Variants in GREM2 observed in about 807,000 individuals in gnomAD.
GREM2 encodes gremlin-2.
In GREM2, 11 loss-of-function variants were observed where a neutral mutation model predicts 14.2. The ratio of observed to expected loss-of-function variants is 0.78; its 90% confidence interval spans 0.49 to 1.28. GREM2 has a LOEUF of 1.28. Among genes scored for constraint, GREM2 ranks in the 50% most tolerant of loss-of-function variants. The probability of loss-of-function intolerance (pLI) is 0.00; values close to 1 mark genes in which losing one functional copy is unlikely to be tolerated. For synonymous variants in GREM2, 98 were observed against 97.6 expected (o/e 1.00, Z -0.02); for missense variants, 210 against 218.5 (o/e 0.96, Z 0.24).
intron 1 of GREM2, among the ~76,000 whole-genome samples, chr1:240,586,050 T>A (rs1558173409): frequency 6.6e-6 from 1 of 150,926 alleles, no homozygotes; most frequent in African/African-American, 2.4e-5. Context: ...AAGACAAAAC[T>A]CACACACAGA....
intron 1 of GREM2, among the ~76,000 whole-genome samples, chr1:240,539,411 T>G (rs1678541105): frequency 6.6e-6 from 1 of 152,152 alleles, no homozygotes; most frequent in Non-Finnish European, 1.5e-5. Flanking sequence ...GTGTACCTAC[T>G]ACTTTGAGAT....
At chr1:240,591,071 T>G (rs143273333) in intron 1 of GREM2, among the ~76,000 whole-genome samples, 1 of 152,178 alleles carries the variant, frequency 6.6e-6, no homozygotes, top group Admixed American at 6.5e-5. Flanking sequence ...TGAGCCACCA[T>G]GCCCAGCCAG....
At chr1:240,572,499 C>T (rs901804242) in intron 1 of GREM2, among the ~76,000 whole-genome samples, 9 of 152,294 alleles carry the variant, frequency 5.9e-5, no homozygotes, top group East Asian at 5.8e-4. Flanking sequence ...GAAGTCTTCC[C>T]CATCTGCTGA....
Position 240,540,264 on chromosome 1 carries a change from A to C in GREM2, c.-1-46788T>G, listed in dbSNP as rs1398273973. On this transcript the variant is annotated intron_variant, in intron 1 of 1. Coordinates refer to ENST00000318160, the MANE Select transcript of GREM2 (RefSeq NM_022469.4). This position sits in a 1 kb window ranked among gnomAD's most constrained non-coding sequence, Gnocchi z 4.2. ...CAGCACATTTGCTAGCTTTCTACTA[A>C]TTGCCCTAATTTTCTTTGTCTAGAC... Among the ~76,000 whole-genome samples, 1 of 152,128 alleles carries C rather than the reference A, an allele frequency of 6.6e-6. No individual in the cohort carries two copies.
At chr1:240,528,734 C>A (rs1341303422) in intron 1 of GREM2, among the ~76,000 whole-genome samples, 1 of 152,162 alleles carries the variant, frequency 6.6e-6, no homozygotes, top group African/African-American at 2.4e-5. Flanking sequence ...CAGTTGCAGC[C>A]GTACCAAGGC....
Position 240,489,805 on chromosome 1 carries a change from C to T in GREM2, c.*3164G>A, listed in dbSNP as rs1347477741. On this transcript the variant is annotated 3_prime_UTR_variant, in exon 2 of 2. Transcript: ENST00000318160. The stretch of plus-strand genomic sequence containing the variant: ...AAAGTCATTTTCATTGACTTTATAA[C>T]TTAAAAATCATCTGGCCAATTTCAA... The T allele has an allele frequency of 6.6e-6, 1 of 152,146 alleles. No individual in the cohort carries two copies. The highest frequency in any genetic ancestry group is 1.5e-5 in the Non-Finnish European group (1 of 68,012). The allele number at this position is 152,146 out of a possible 1,614,324, so 9.4% of individuals were successfully genotyped here. A position where few individuals can be genotyped will look rare whatever the true frequency, so the allele number is the denominator to read the frequency against.
chr1:240,574,905 T>G (rs1285474403), intron 1 of GREM2, among the ~76,000 whole-genome samples: 17 of 152,048 alleles, frequency 1.1e-4, no homozygotes, highest in Admixed American at 1.1e-3. Context: ...TCAAGAGATC[T>G]AGACCATCCT....
intron 1 of GREM2, among the ~76,000 whole-genome samples, chr1:240,530,140 C>T (rs964317669): frequency 2.6e-5 from 4 of 152,068 alleles, no homozygotes; most frequent in Admixed American, 2.6e-4. Context: ...TTTCGTGGAA[C>T]AATAAGGAGT....
chr1:240,563,016 GTGTA>G (rs1203361497), intron 1 of GREM2, among the ~76,000 whole-genome samples: 2 of 150,270 alleles, frequency 1.3e-5, no homozygotes, highest in Non-Finnish European at 3.0e-5. Flanking sequence ...GAGTGTATGT[GTGTA>G]TGTGTGTATA....
chr1:240,509,058 T>G (rs1677741335), intron 1 of GREM2, among the ~76,000 whole-genome samples: 1 of 152,242 alleles, frequency 6.6e-6, no homozygotes, highest in Admixed American at 6.5e-5. Context: ...TAACATCTCT[T>G]CTTTCTTTGA....
intron 1 of GREM2, chr1:240,530,313 C>A (rs190741380): frequency 2.6e-5 from 4 of 152,282 alleles, no homozygotes; most frequent in African/African-American, 9.6e-5. Context: ...GGAGAAGTAT[C>A]TCACTGGACT....
intron 1 of GREM2, among the ~76,000 whole-genome samples, chr1:240,562,552 G>C (rs572329537): frequency 3.9e-5 from 6 of 152,236 alleles, no homozygotes; most frequent in South Asian, 2.1e-4. Flanking sequence ...TGTAATCCAC[G>C]CCATTAGTTT....
chr1:240,536,306 C>T (rs1329921363), intron 1 of GREM2, among the ~76,000 whole-genome samples: 1 of 152,044 alleles, frequency 6.6e-6, no homozygotes, highest in Non-Finnish European at 1.5e-5. Context: ...TATAACAAAT[C>T]CTGAAGTAAG....
chr1:240,510,758 C>G (rs1049336256), intron 1 of GREM2, among the ~76,000 whole-genome samples: 1 of 152,164 alleles, frequency 6.6e-6, no homozygotes, highest in Admixed American at 6.5e-5. Flanking sequence ...AAATATTGTT[C>G]TCTTTTTCTC....
chr1:240,589,735 G>GT (rs1276944375), intron 1 of GREM2, among the ~76,000 whole-genome samples: 4 of 152,162 alleles, frequency 2.6e-5, no homozygotes, highest in African/African-American at 9.7e-5. Context: ...AGGAGGGAAG[G>GT]TGATGTGGGT....
At chr1:240,567,003 T>A (rs1679185110) in intron 1 of GREM2, among the ~76,000 whole-genome samples, 2 of 152,028 alleles carry the variant, frequency 1.3e-5, no homozygotes, top group African/African-American at 4.8e-5. Context: ...AGTTGAGACA[T>A]GGAAAATATA....
chr1:240,588,254 C>A (rs954021457), intron 1 of GREM2, among the ~76,000 whole-genome samples: 2 of 152,192 alleles, frequency 1.3e-5, no homozygotes, highest in Non-Finnish European at 2.9e-5. Context: ...TAGAATGCAC[C>A]TTTTATTGAC....
At chr1:240,608,928 C>T (rs1454908989) in intron 1 of GREM2, among the ~76,000 whole-genome samples, 2 of 152,138 alleles carry the variant, frequency 1.3e-5, no homozygotes, top group Non-Finnish European at 2.9e-5. Flanking sequence ...ATGCTGCCCT[C>T]TCCTGGCCTG....
In GREM2 at chr1:240,516,954, CT is replaced by C. The variant is rs530253075; in HGVS notation, c.-1-23479del. On this transcript the variant is annotated intron_variant, in intron 1 of 1. Coordinates refer to ENST00000318160, the MANE Select transcript of GREM2 (RefSeq NM_022469.4). ...CCAGCTCTGTCTCTAGTACTTGTCA[CT>C]AGTGAACACTTGGTGAACACTTTAG... Among the ~76,000 whole-genome samples, 191 of 152,288 alleles carry C rather than the reference CT, an allele frequency of 1.3e-3. 1 individual carries two copies. The South Asian group carries it at 0.013, about 10-fold the overall frequency.
Sources: gnomAD v4.1 joint callset for allele counts (sites outside exome capture counted in the v4.1 genomes callset) on GRCh38, gnomAD v4.1.1 for gene constraint, Gnocchi (gnomAD v3.1) non-coding constraint, MANE v1.5 for transcripts, NCBI Gene and HGNC (gene_info 2026-07-23, HGNC 2026-07-21) for gene names.